KALRN: variants seen among roughly 807,000 people sequenced by gnomAD.
KALRN encodes kalirin.
Under a neutral mutation model 353.7 loss-of-function variants are expected in KALRN, and 70 were observed. The observed-to-expected ratio is 0.20, with a 90% CI of 0.16 to 0.24. The LOEUF is 0.24. KALRN is among the 10% of genes least tolerant of loss of function. KALRN has a pLI of 1.00. For synonymous variants in KALRN, 1,391 were observed against 1,434.8 expected (o/e 0.97, Z 0.69); for missense variants, 2,791 against 3,756.7 (o/e 0.74, Z 6.72).
At chr3:124,645,729 A>C (rs1157417413) in intron 37 of KALRN, among the ~76,000 whole-genome samples, 1 of 151,922 alleles carries the variant, frequency 6.6e-6, no homozygotes, top group African/African-American at 2.4e-5. Flanking sequence ...AGGGGTTTCC[A>C]TAGCATACTA....
intron 34 of KALRN, among the ~76,000 whole-genome samples, chr3:124,592,939 A>T (rs1354045236): frequency 6.6e-6 from 1 of 152,248 alleles, no homozygotes. Context: ...TGGTGACCAC[A>T]GTGAGGAAAC....
At chr3:124,077,577 C>T (rs532655473) in intron 1 of KALRN, among the ~76,000 whole-genome samples, 23 of 152,324 alleles carry the variant, frequency 1.5e-4, no homozygotes, top group African/African-American at 5.5e-4. Flanking sequence ...ATTGTCCCCG[C>T]TCTTCCTCTG....
At chr3:124,169,540 G>A (rs573210472) in intron 1 of KALRN, among the ~76,000 whole-genome samples, 31 of 152,260 alleles carry the variant, frequency 2.0e-4, no homozygotes, top group African/African-American at 6.0e-4. Flanking sequence ...GTGGAATCCC[G>A]GGGATTGACA....
intron 34 of KALRN, among the ~76,000 whole-genome samples, chr3:124,615,120 G>A (rs189035342): frequency 1.4e-3 from 206 of 152,322 alleles, no homozygotes; most frequent in Middle Eastern, 0.01. Flanking sequence ...TTAGAACACT[G>A]TCCCAGTGAC....
intron 34 of KALRN, among the ~76,000 whole-genome samples, chr3:124,576,635 C>A (rs147150558): frequency 6.6e-6 from 1 of 152,254 alleles, no homozygotes; most frequent in East Asian, 1.9e-4. Context: ...TACATCCTTT[C>A]TATTATTGGA....
chr3:124,418,527 T>C (rs2092624188), intron 14 of KALRN, among the ~76,000 whole-genome samples: 2 of 152,176 alleles, frequency 1.3e-5, no homozygotes, highest in Admixed American at 1.3e-4. Flanking sequence ...AGAGAAAAGA[T>C]GTTCTGTATC....
chr3:124,669,725 G>A (rs529515539), intron 47 of KALRN, among the ~76,000 whole-genome samples: 13 of 152,256 alleles, frequency 8.5e-5, no homozygotes, highest in Admixed American at 7.2e-4. Flanking sequence ...AAGACCTCCC[G>A]AGGATACCAG....
intron 3 of KALRN, among the ~76,000 whole-genome samples, chr3:124,251,366 T>TC (rs2071134593): frequency 1.6e-5 from 2 of 125,586 alleles, no homozygotes; most frequent in East Asian, 3.8e-4. Context: ...TTTTTTTTTT[T>TC]TTTTCTTTTT....
chr3:124,148,615 GTTTTTGTC>G (rs1288010157), intron 1 of KALRN, among the ~76,000 whole-genome samples: 11 of 152,036 alleles, frequency 7.2e-5, no homozygotes, highest in African/African-American at 2.2e-4. Flanking sequence ...TAGGTGACAT[GTTTTTGTC>G]ATGTTAATCA....
rs150796542 is a variant in KALRN at position 124,102,645 on chromosome 3, T to C, written c.73+68832T>C. Among the ~76,000 whole-genome samples, 188 of 152,334 alleles carry C rather than the reference T, an allele frequency of 1.2e-3. 1 individual carries two copies. In the South Asian group the frequency reaches 0.017, roughly 14 times the overall value. On this transcript the variant is annotated intron_variant, in intron 1 of 59. Coordinates refer to ENST00000682506, the MANE Select transcript of KALRN (RefSeq NM_001388419.1). ...CTTGTTTTCTGAATTTTTGCAGCTTTAGGAATCTTAGTTTCTTGTCAGGGA... is the reference window on the plus strand; with the variant it reads ...CTTGTTTTCTGAATTTTTGCAGCTTCAGGAATCTTAGTTTCTTGTCAGGGA...
chr3:124,496,014 C>CAT (rs1433558735), intron 32 of KALRN, among the ~76,000 whole-genome samples: 1 of 27,438 alleles, frequency 3.6e-5, no homozygotes, highest in Admixed American at 5.4e-4. Flanking sequence ...TATATATATA[C>CAT]ACACACATAT....
chr3:124,137,742 T>G (rs939018018), intron 1 of KALRN, among the ~76,000 whole-genome samples: 2 of 152,122 alleles, frequency 1.3e-5, no homozygotes, highest in Non-Finnish European at 2.9e-5. Flanking sequence ...AAGCTCTCTC[T>G]CCTTTTAGAA....
At chr3:124,389,407 C>T (rs1372560569) in intron 11 of KALRN, among the ~76,000 whole-genome samples, 2 of 152,160 alleles carry the variant, frequency 1.3e-5, no homozygotes, top group African/African-American at 4.8e-5. Context: ...AGAGAGGAAA[C>T]AGGAGGAAGA....
intron 1 of KALRN, among the ~76,000 whole-genome samples, chr3:124,111,219 A>G (rs1304779432): frequency 6.6e-6 from 1 of 152,238 alleles, no homozygotes; most frequent in African/African-American, 2.4e-5. Flanking sequence ...CCATCCTGAT[A>G]GTCCCAAGAT....
chr3:124,619,220 T>C (rs2078999091), intron 34 of KALRN, among the ~76,000 whole-genome samples: 1 of 152,148 alleles, frequency 6.6e-6, no homozygotes, highest in Non-Finnish European at 1.5e-5. Context: ...CCTTCCAGGT[T>C]CATCCAAGTG....
intron 1 of KALRN, among the ~76,000 whole-genome samples, chr3:124,073,918 T>C (rs973464236): frequency 6.6e-6 from 1 of 152,102 alleles, no homozygotes; most frequent in African/African-American, 2.4e-5. Flanking sequence ...AAGCCCAGAA[T>C]GGTGTAGTAA....
Position 124,696,173 on chromosome 3 carries a change from G to T in KALRN, c.7617G>T (p.Met2539Ile), listed in dbSNP as rs1050115806. 2.6e-5 allele frequency: 42 copies of T among 1,613,952 alleles called. No individual in the cohort carries two copies. The highest frequency in any genetic ancestry group is 3.5e-5 in the Non-Finnish European group (41 of 1,179,816). The change falls in exon 54 of 60, where the codon ATG becomes ATT. Residue 2539 changes from methionine (M) to isoleucine (I), a missense_variant. By Grantham distance (10) the Met-to-Ile change is conservative. This residue lies in a region of KALRN where 1,065 missense variants were observed against 1,156.4 expected (regional missense o/e 0.92). Coordinates refer to ENST00000682506, the MANE Select transcript of KALRN (RefSeq NM_001388419.1). ...TCACCCTGAAGATCTGTAATCTGAT[G>T]CCCCAAGACAGTGGGATTTATACCT... ...GEITLKICNL[M>I]PQDSGIYTCI...
chr3:124,071,140 C>A (rs1247198084), intron 1 of KALRN, among the ~76,000 whole-genome samples: 3 of 152,118 alleles, frequency 2.0e-5, no homozygotes, highest in African/African-American at 7.2e-5. Flanking sequence ...ACATGGGGGG[C>A]ATGGTGTACA....
intron 18 of KALRN, among the ~76,000 whole-genome samples, chr3:124,439,377 T>C (rs959161667): frequency 3.9e-5 from 6 of 152,242 alleles, no homozygotes; most frequent in African/African-American, 7.2e-5. Flanking sequence ...TCTCTTGCAC[T>C]TTTTGTATAG....
Sources: gnomAD v4.1 joint callset for allele counts (sites outside exome capture counted in the v4.1 genomes callset) on GRCh38, gnomAD v4.1.1 for gene constraint, gnomAD v4.1.1 regional missense constraint, MANE v1.5 for transcripts, NCBI Gene and HGNC (gene_info 2026-07-23, HGNC 2026-07-21) for gene names.